Variants in FAM120B observed in about 807,000 individuals in gnomAD.
FAM120B encodes family with sequence similarity 120 member B.
In FAM120B, 83 loss-of-function variants were observed where a neutral mutation model predicts 96.3. That is an observed-to-expected ratio of 0.86 (90% CI 0.72 to 1.03). FAM120B has a LOEUF of 1.03. Among genes scored for constraint, FAM120B ranks in the 50% least tolerant of loss-of-function variants. The pLI is 0.00. For synonymous variants in FAM120B, 407 were observed against 402.7 expected (o/e 1.01, Z -0.13); for missense variants, 1,027 against 1,121.2 (o/e 0.92, Z 1.20).
At chr6:170,391,786 A>G (rs1300012560) in intron 8 of FAM120B, among the ~76,000 whole-genome samples, 1 of 152,230 alleles carries the variant, frequency 6.6e-6, no homozygotes, top group Non-Finnish European at 1.5e-5. Context: ...AAAGTAATTA[A>G]AAAGGAAATA....
intron 6 of FAM120B, among the ~76,000 whole-genome samples, chr6:170,362,923 A>T (rs1040376075): frequency 6.6e-6 from 1 of 151,892 alleles, no homozygotes; most frequent in Non-Finnish European, 1.5e-5. Context: ...GAGCTCAAGC[A>T]ATCCTCCTGC....
intron 1 of FAM120B, among the ~76,000 whole-genome samples, chr6:170,307,751 AG>A (rs1180108867): frequency 1.3e-5 from 2 of 152,168 alleles, no homozygotes; most frequent in Non-Finnish European, 2.9e-5. Context: ...TGGCAGATAT[AG>A]GGGTGGGGAT....
At chr6:170,403,208 CAGTATAAAGTGTATGTT>C (rs1778674902) in intron 9 of FAM120B, among the ~76,000 whole-genome samples, 1 of 152,064 alleles carries the variant, frequency 6.6e-6, no homozygotes, top group Non-Finnish European at 1.5e-5. Context: ...TCAGAGATTC[CAGTATAAAGTGTATGTT>C]ATACACACAT....
At chr6:170,333,791 C>T (rs575796720) in intron 4 of FAM120B, among the ~76,000 whole-genome samples, 1 of 149,276 alleles carries the variant, frequency 6.7e-6, no homozygotes. Context: ...GCGTATGGGC[C>T]CCATCTTTAC....
At chr6:170,385,173 T>C (rs1437362592) in intron 6 of FAM120B, among the ~76,000 whole-genome samples, 1 of 152,146 alleles carries the variant, frequency 6.6e-6, no homozygotes, top group Non-Finnish European at 1.5e-5. Context: ...AAATCAGTAA[T>C]AACAATAAGT....
intron 6 of FAM120B, among the ~76,000 whole-genome samples, chr6:170,368,073 G>A (rs1788913222): frequency 6.6e-6 from 1 of 152,172 alleles, no homozygotes; most frequent in Non-Finnish European, 1.5e-5. Flanking sequence ...GTTTCAATAT[G>A]CATGTATGTT....
chr6:170,322,153 A>G (rs1785332102), intron 2 of FAM120B, among the ~76,000 whole-genome samples: 1 of 152,254 alleles, frequency 6.6e-6, no homozygotes, highest in South Asian at 2.1e-4. Flanking sequence ...ATCACCTACC[A>G]TGAGCCAGCA....
At chr6:170,359,393 CAAA>C (rs138695435) in intron 6 of FAM120B, among the ~76,000 whole-genome samples, 2 of 135,636 alleles carry the variant, frequency 1.5e-5, no homozygotes, top group Non-Finnish European at 3.1e-5. Context: ...AACTCTGTCT[CAAA>C]AAAAAAAAAA....
chr6:170,332,395 C>G (rs756507201), intron 4 of FAM120B, among the ~76,000 whole-genome samples: 5 of 152,118 alleles, frequency 3.3e-5, no homozygotes, highest in African/African-American at 1.2e-4. Context: ...ATACAACATA[C>G]GATTAAAAAC....
At chr6:170,330,425 A>G (rs748708662) in intron 3 of FAM120B, 24 bp from the exon 4 acceptor site, 41 of 1,595,174 alleles carry the variant, frequency 2.6e-5, no homozygotes, top group Non-Finnish European at 3.4e-5. Flanking sequence ...TCATGCATCT[A>G]CTGACCCAAC....
chr6:170,346,613 G>A (rs9366212), intron 4 of FAM120B, among the ~76,000 whole-genome samples: 16,074 of 152,202 alleles, frequency 0.11, 1,046 homozygotes, highest in East Asian at 0.2. Context: ...AACCGTGGAC[G>A]ATACCCACGT....
intron 5 of FAM120B, among the ~76,000 whole-genome samples, chr6:170,356,380 A>G (rs1249551187): frequency 2.0e-5 from 3 of 152,230 alleles, no homozygotes; most frequent in Non-Finnish European, 4.4e-5. Flanking sequence ...ATTCCCAGGG[A>G]TAATAACTCT....
intron 6 of FAM120B, among the ~76,000 whole-genome samples, chr6:170,366,579 C>G (rs979052815): frequency 3.3e-4 from 50 of 152,164 alleles, no homozygotes. Context: ...GGAGGGGAAG[C>G]TTCACTTGGG....
rs927594856 is a variant in FAM120B, at chr6:170,404,820, C to T, written c.*69C>T. ...GACGCAGAGCCCTGCCAGCGCCCTCCTCTGCTGTTGCAGCTGCAAGGAGAC... is the reference window on the plus strand; with the variant it reads ...GACGCAGAGCCCTGCCAGCGCCCTCTTCTGCTGTTGCAGCTGCAAGGAGAC... On this transcript the variant is annotated 3_prime_UTR_variant, in exon 11 of 11. Transcript: ENST00000476287. 1.9e-6 allele frequency: 1 copy of T among 539,404 alleles called. No homozygotes were observed. The highest frequency in any genetic ancestry group is 3.4e-5 in the Admixed American group (1 of 29,062). 33.4% of individuals were successfully genotyped at this position (539,404 alleles called of 1,614,324 possible). A position where few individuals can be genotyped will look rare whatever the true frequency, so the allele number is the denominator to read the frequency against.
At chr6:170,330,665 T>G in intron 4 of FAM120B, 115 bp downstream of exon 4, 2 of 749,206 alleles carry the variant, frequency 2.7e-6, no homozygotes. Flanking sequence ...ATACTAGTTT[T>G]TATTTAAACC....
upstream of FAM120B, chr6:170,290,761 A>C: frequency 2.1e-6 from 1 of 481,724 alleles, no homozygotes; most frequent in Non-Finnish European, 3.7e-6. The surrounding 1 kb of genome is among the most constrained non-coding windows in gnomAD (Gnocchi z 4.7). Flanking sequence ...CCGGTGTCAC[A>C]GCAAAGATCC....
intron 4 of FAM120B, among the ~76,000 whole-genome samples, chr6:170,340,926 C>A (rs769876388): frequency 3.3e-5 from 5 of 152,212 alleles, no homozygotes; most frequent in Admixed American, 6.5e-5. Context: ...TCTGTCAACC[C>A]CTGCTGGGAG....
intron 4 of FAM120B, 110 bp downstream of exon 4, chr6:170,330,660 A>G (rs1420035966): frequency 5.1e-6 from 4 of 781,472 alleles, no homozygotes; most frequent in African/African-American, 3.5e-5. Flanking sequence ...CACAAATACT[A>G]GTTTTTATTT....
intron 4 of FAM120B, among the ~76,000 whole-genome samples, chr6:170,337,342 G>A (rs568416093): frequency 6.6e-6 from 1 of 152,212 alleles, no homozygotes; most frequent in South Asian, 2.1e-4. Context: ...TTATTAATTT[G>A]CATATATTGA....
Sources: gnomAD v4.1 joint callset for allele counts (sites outside exome capture counted in the v4.1 genomes callset) on GRCh38, gnomAD v4.1.1 for gene constraint, Gnocchi (gnomAD v3.1) non-coding constraint, MANE v1.5 for transcripts, NCBI Gene and HGNC (gene_info 2026-07-23, HGNC 2026-07-21) for gene names.